The following ALPK3 variants were observed in gnomAD, a reference collection of about 807,000 sequenced individuals.
ALPK3 encodes the protein alpha-protein kinase 3.
A neutral mutation model predicts 140.0 loss-of-function variants in ALPK3; 102 were observed. The observed-to-expected ratio is 0.73, with a 90% CI of 0.62 to 0.86. The LOEUF (loss-of-function observed/expected upper bound fraction) is 0.86, where lower values mean the gene tolerates loss of function less well. ALPK3 is among the 40% of genes least tolerant of loss of function. The pLI is 0.00. For missense variants in ALPK3, 2,254 were observed against 2,208.2 expected, an observed-to-expected ratio of 1.02 and a Z score of -0.42; for synonymous variants, 938 against 898.5, an observed-to-expected ratio of 1.04 and a Z score of -0.79.
intron 5 of ALPK3, among the ~76,000 whole-genome samples, chr15:84,841,288 G>A (rs1963663764): frequency 6.6e-6 from 1 of 152,214 alleles, no homozygotes; most frequent in South Asian, 2.1e-4. Flanking sequence ...GTTTCATGGG[G>A]GAGACGGAGG....
chr15:84,850,879 TACACACACACACACACAC>T (rs4040516), intron 5 of ALPK3, among the ~76,000 whole-genome samples: 4 of 142,472 alleles, frequency 2.8e-5, no homozygotes, highest in East Asian at 2.0e-4. Flanking sequence ...GTTCCAGATA[TACACACACACACACACAC>T]ACACACACAC....
Position 84,839,075 on chromosome 15 carries a change from C to A in ALPK3, c.400C>A (p.Arg134Ser), listed in dbSNP as rs779972206. The change falls in exon 4 of 14, where the codon CGC becomes AGC. Residue 134 changes from arginine to serine, a missense_variant. Transcript: ENST00000258888. ...PKYEITHQGN[R>S]HTLQLYRCRE... ...ATATGAGATCACTCATCAGGGCAAC[C>A]GCCACACACTGCAGCTGTACAGGTG... 1.2e-6 allele frequency: 2 copies of A among 1,609,820 alleles called. No individual in the cohort carries two copies. Among genetic ancestry groups the A allele is most frequent in the Non-Finnish European group, 1.7e-6 (2 of 1,177,930 alleles).
intron 3 of ALPK3, among the ~76,000 whole-genome samples, chr15:84,832,792 A>G (rs759779769): frequency 3.3e-5 from 5 of 152,216 alleles, no homozygotes; most frequent in Non-Finnish European, 7.3e-5. Context: ...TGTTCATTTC[A>G]GCCACAGCTT....
rs912394790 is a variant in ALPK3 at position 84,850,558 on chromosome 15, G to GT, written c.1654-5824dup. Among the ~76,000 whole-genome samples, 123 of 145,088 alleles carry GT rather than the reference G, an allele frequency of 8.5e-4. 2 individuals are homozygous for GT. Among genetic ancestry groups the GT allele is most frequent in the South Asian group, 1.3e-3 (6 of 4,548 alleles). ...GCCACCACACCTGGCTAAATATTTT[G>GT]TTTTTTTTTTGTAGAGACAGGGTCT... On this transcript the variant is annotated intron_variant, in intron 5 of 13. Coordinates refer to ENST00000258888, the MANE Select transcript of ALPK3 (RefSeq NM_020778.5).
intron 11 of ALPK3, 40 bp from the exon 12 acceptor site, chr15:84,864,402 G>T: frequency 1.3e-6 from 2 of 1,587,948 alleles, no homozygotes; most frequent in South Asian, 2.2e-5. Context: ...AGCTCTCTGG[G>T]CCATACTTCC....
chr15:84,840,615 C>T lies in ALPK3; in HGVS notation c.1336C>T (p.Pro446Ser), dbSNP rs199986476. 1.3e-6 allele frequency: 2 copies of T among 1,558,948 alleles called. No homozygotes were observed. The highest frequency in any genetic ancestry group is 2.2e-5 in the East Asian group (1 of 44,576). Residue 446 changes from proline (P) to serine (S), a missense_variant, in exon 5 of 14, where the codon CCC becomes TCC. Physicochemically the swap from Pro to Ser is moderately conservative, Grantham distance 74. This residue lies in a region of ALPK3 where 2,088 missense variants were observed against 2,022.9 expected (regional missense o/e 1.03). Transcript: ENST00000258888. ...GAGTGTCCGGGCGCCTGGGGAGAGT[C>T]CCAAGGGGAAGGCACCCCTCAGGGC... is the stretch of plus-strand genomic sequence containing the variant. ...TLSVRAPGES[P>S]KGKAPLRARS...
intron 1 of ALPK3, among the ~76,000 whole-genome samples, chr15:84,820,409 T>C (rs1054111945): frequency 5.3e-5 from 8 of 152,156 alleles, no homozygotes; most frequent in Non-Finnish European, 1.0e-4. Flanking sequence ...CCAGGAGGGA[T>C]GGAGGCCCCC....
At chr15:84,822,800 C>G (rs1963442019) in intron 1 of ALPK3, among the ~76,000 whole-genome samples, 2 of 152,224 alleles carry the variant, frequency 1.3e-5, no homozygotes, top group Admixed American at 6.5e-5. Flanking sequence ...TTGTTTTTCT[C>G]TTTTTCACTC....
At position 84,829,363 on chromosome 15, in the gene ALPK3, T is replaced by C. The variant is rs571877225; in HGVS notation, c.304+1758T>C. Reference sequence around the variant, plus strand: ...TTCTTATCTTCTTAGTTTTAAAAACTTGAAACAAAAGACACACAGCAAAGG... The same window carrying C: ...TTCTTATCTTCTTAGTTTTAAAAACCTGAAACAAAAGACACACAGCAAAGG... On this transcript the variant is annotated intron_variant, in intron 3 of 13. Transcript: ENST00000258888. 2.0e-5 allele frequency among the ~76,000 whole-genome samples: 3 copies of C among 152,340 alleles called. 1 individual carries two copies. In the South Asian group the frequency reaches 6.2e-4, roughly 32 times the overall value.
chr15:84,840,564 C>T lies in ALPK3; in HGVS notation c.1285C>T (p.Leu429Phe), dbSNP rs1284776728. 1 of 1,585,950 alleles carries T rather than the reference C, an allele frequency of 6.3e-7. No homozygotes were observed. The highest frequency in any genetic ancestry group is 8.6e-7 in the Non-Finnish European group (1 of 1,168,056). ...YLENTQAVRPLGEEGPQTLSV... is the reference protein window; with the variant it reads ...YLENTQAVRPFGEEGPQTLSV... ...GGAGAACACCCAGGCAGTCAGGCCT[C>T]TTGGGGAAGAGGGACCCCAGACCCT... is the stretch of plus-strand genomic sequence containing the variant. Residue 429 changes from leucine to phenylalanine, a missense_variant, in exon 5 of 14, where the codon CTT becomes TTT. Coordinates refer to ENST00000258888, the MANE Select transcript of ALPK3 (RefSeq NM_020778.5).
intron 2 of ALPK3, among the ~76,000 whole-genome samples, chr15:84,825,686 G>A (rs1202765041): frequency 1.3e-5 from 2 of 152,126 alleles, no homozygotes; most frequent in Admixed American, 1.3e-4. Flanking sequence ...AATTAGGGAT[G>A]GTTTGAATTA....
chr15:84,829,765 G>C (rs1474583349), intron 3 of ALPK3, among the ~76,000 whole-genome samples: 1 of 152,226 alleles, frequency 6.6e-6, no homozygotes, highest in Non-Finnish European at 1.5e-5. Flanking sequence ...GGGTGAGTTT[G>C]AGGACAGGTA....
At chr15:84,826,800 G>T (rs1202280631) in intron 2 of ALPK3, among the ~76,000 whole-genome samples, 1 of 152,100 alleles carries the variant, frequency 6.6e-6, no homozygotes, top group African/African-American at 2.4e-5. Context: ...TGGTATCCAG[G>T]GATGGAGCAG....
intron 3 of ALPK3, among the ~76,000 whole-genome samples, chr15:84,833,507 A>C (rs73437938): frequency 0.064 from 9,813 of 152,218 alleles, 387 homozygotes; most frequent in African/African-American, 0.09. Context: ...AGGTGGATGG[A>C]TCTCTGGCTG....
chr15:84,858,513 G>A lies in ALPK3; in HGVS notation c.3775G>A (p.Glu1259Lys), dbSNP rs2141569620. 3 of 1,587,358 alleles carry A rather than the reference G, an allele frequency of 1.9e-6. No homozygotes were observed. Among genetic ancestry groups the A allele is most frequent in the Middle Eastern group, 1.7e-4 (1 of 5,996 alleles). ...GGTGGCCCTGGATGAAGGCAAGCAG[G>A]AGACACTGGCCAAGCCCAGGAAAGC... ...TEVALDEGKQ[E>K]TLAKPRKAKD... The change falls in exon 6 of 14, where the codon GAG becomes AAG. Residue 1259 changes from glutamate to lysine, a missense_variant. By Grantham distance (56) the Glu-to-Lys change is moderately conservative. This residue lies in a region of ALPK3 where 2,088 missense variants were observed against 2,022.9 expected (regional missense o/e 1.03). Transcript: ENST00000258888.
intron 3 of ALPK3, among the ~76,000 whole-genome samples, chr15:84,837,230 T>G (rs916168797): frequency 6.6e-6 from 1 of 152,152 alleles, no homozygotes; most frequent in Non-Finnish European, 1.5e-5. Flanking sequence ...GGAATTTCTT[T>G]TTAAAGAAGG....
chr15:84,840,663 G>C lies in ALPK3; in HGVS notation c.1384G>C (p.Ala462Pro), dbSNP rs777370400. The C allele has an allele frequency of 6.3e-7, 1 of 1,581,794 alleles. No individual in the cohort carries two copies. The highest frequency in any genetic ancestry group is 1.2e-5 in the South Asian group (1 of 85,526). The change falls in exon 5 of 14, where the codon GCT becomes CCT. Residue 462 changes from alanine to proline, a missense_variant. Around this residue, in one of 3 missense-constraint regions of ALPK3, gnomAD observed 2,088 missense variants for 2,022.9 expected, o/e 1.03. Coordinates refer to ENST00000258888, the MANE Select transcript of ALPK3 (RefSeq NM_020778.5). ...GGCTAGAAGCGAGGGGGTGCCTGGC[G>C]CTCCTGGCCAGCCCACACACTCCTT... is the stretch of plus-strand genomic sequence containing the variant. ...LRARSEGVPG[A>P]PGQPTHSLTP...
intron 5 of ALPK3, among the ~76,000 whole-genome samples, chr15:84,852,011 A>G (rs1963809240): frequency 6.6e-6 from 1 of 152,200 alleles, no homozygotes; most frequent in Non-Finnish European, 1.5e-5. Context: ...TCCACAGAAG[A>G]TACTTTCCCA....
chr15:84,821,614 G>A (rs931975371), intron 1 of ALPK3, among the ~76,000 whole-genome samples: 4 of 152,004 alleles, frequency 2.6e-5, no homozygotes, highest in Admixed American at 6.6e-5. Flanking sequence ...ATCTTTTCTG[G>A]AGCAGCAGCT....
Sources: allele counts gnomAD v4.1 joint callset (sites outside exome capture counted in the v4.1 genomes callset), GRCh38; gene constraint gnomAD v4.1.1; regional missense constraint gnomAD v4.1.1; transcripts MANE v1.5; gene names NCBI Gene and HGNC (gene_info 2026-07-23, HGNC 2026-07-21).